CLEC4A: variants seen among roughly 807,000 people sequenced by gnomAD.
CLEC4A encodes the protein C-type lectin domain family 4 member A, also known as C-type (calcium dependent, carbohydrate-recognition domain) lectin, superfamily member 6.
In CLEC4A, 27 loss-of-function variants were observed where a neutral mutation model predicts 32.7. The observed-to-expected ratio is 0.83, with a 90% CI of 0.61 to 1.14. The LOEUF is 1.14. Ranked by LOEUF, CLEC4A falls within the 50% of genes most tolerant of loss-of-function variation. CLEC4A has a pLI of 0.00. For missense variants in CLEC4A, 253 were observed against 274.6 expected (o/e 0.92, Z 0.55); for synonymous variants, 89 against 93.7 (o/e 0.95, Z 0.29).
At position 8,136,911 on chromosome 12, in the gene CLEC4A, T is replaced by C. The variant is rs781238527; in HGVS notation, c.566+8T>C. 1.9e-6 allele frequency: 3 copies of C among 1,572,046 alleles called. No individual in the cohort carries two copies. The highest frequency in any genetic ancestry group is 1.3e-5 in the African/African-American group (1 of 74,098). On this transcript the variant is annotated splice_region_variant and intron_variant, in intron 5 of 5. Transcript: ENST00000229332. ...ATACAATGAAAGTTCCACGTGAGTA[T>C]AGAATGAGATAAAAGAATCTTGGGT...
At chr12:8,110,995 T>TCCC in the CLEC4A span, among the ~76,000 whole-genome samples, 158 of 152,002 alleles carry the variant, frequency 1.0e-3, no homozygotes, top group Middle Eastern at 6.8e-3. Context: ...TGCCTCAGCC[T>TCCC]CCCGAGTAGC....
chr12:8,114,675 T>C, the CLEC4A span, among the ~76,000 whole-genome samples: 1 of 152,220 alleles, frequency 6.6e-6, no homozygotes, highest in South Asian at 2.1e-4. Context: ...TTTTGCTTAA[T>C]TTACAGTTTT....
At chr12:8,107,889 G>T in the CLEC4A span, among the ~76,000 whole-genome samples, 1 of 151,290 alleles carries the variant, frequency 6.6e-6, no homozygotes, top group African/African-American at 2.4e-5. Flanking sequence ...AGTTTCTTCA[G>T]TTCAGCTCTG....
intron 2 of CLEC4A, 61 bp from the exon 3 acceptor site, chr12:8,129,203 C>A: frequency 2.9e-6 from 3 of 1,051,484 alleles, no homozygotes; most frequent in Non-Finnish European, 2.8e-6. Context: ...AAGAAAGTAA[C>A]GATAAAGAGC....
upstream of CLEC4A, among the ~76,000 whole-genome samples, chr12:8,119,172 G>A (rs1947812187): frequency 6.6e-6 from 1 of 152,154 alleles, no homozygotes; most frequent in South Asian, 2.1e-4. Context: ...TAGCCTTGCT[G>A]CAAAAATGGT....
chr12:8,129,196 A>G (rs1248143147), intron 2 of CLEC4A, 68 bp from the exon 3 acceptor site: 1 of 996,570 alleles, frequency 1.0e-6, no homozygotes, highest in African/African-American at 1.6e-5. Context: ...AGAATGCAAG[A>G]AAGTAACGAT....
In CLEC4A at chr12:8,125,671, T is replaced by A; in HGVS notation, c.193T>A (p.Phe65Ile). 6.3e-7 allele frequency: 1 copy of A among 1,589,418 alleles called. No individual in the cohort carries two copies. Among genetic ancestry groups the A allele is most frequent in the Non-Finnish European group, 8.6e-7 (1 of 1,157,530 alleles). ...ATTGGCAATCTCATTCTTTATTGCTTTTGTCAGTAAGTATGCCAACTGAAC... is the reference window on the plus strand; with the variant it reads ...ATTGGCAATCTCATTCTTTATTGCTATTGTCAGTAAGTATGCCAACTGAAC... The part of the protein sequence containing the change: ...LLLAISFFIA[F>I]VIFFQKYSQL... The change falls in exon 2 of 6, where the codon TTT becomes ATT. Residue 65 changes from phenylalanine (F) to isoleucine (I), a missense_variant. Coordinates refer to ENST00000229332, the MANE Select transcript of CLEC4A (RefSeq NM_016184.4).
the CLEC4A span, among the ~76,000 whole-genome samples, chr12:8,118,366 C>T: frequency 6.8e-6 from 1 of 146,674 alleles, no homozygotes; most frequent in African/African-American, 2.5e-5. Flanking sequence ...ATGTGTCCCT[C>T]TCTGTATTAG....
chr12:8,128,066 A>G (rs1253762823), intron 2 of CLEC4A, among the ~76,000 whole-genome samples: 2 of 152,224 alleles, frequency 1.3e-5, no homozygotes, highest in African/African-American at 4.8e-5. Flanking sequence ...GATATCACTC[A>G]CGGAGATAAC....
At chr12:8,131,741 G>A (rs1049848028) in intron 3 of CLEC4A, among the ~76,000 whole-genome samples, 1 of 151,822 alleles carries the variant, frequency 6.6e-6, no homozygotes, top group African/African-American at 2.4e-5. Context: ...TTTTGTCCAG[G>A]TGATATTTGT....
intron 3 of CLEC4A, among the ~76,000 whole-genome samples, chr12:8,130,701 GTT>G (rs763018022): frequency 1.9e-4 from 29 of 152,128 alleles, no homozygotes; most frequent in Non-Finnish European, 4.0e-4. Context: ...TTTAAGAACA[GTT>G]TTATATTTAC....
intron 5 of CLEC4A, among the ~76,000 whole-genome samples, chr12:8,137,253 A>C (rs960692037): frequency 3.4e-5 from 5 of 147,624 alleles, no homozygotes; most frequent in Admixed American, 1.4e-4. Context: ...GATTAAGATC[A>C]TAACCAATTA....
chr12:8,103,376 G>GTTTTTTT, the CLEC4A span, among the ~76,000 whole-genome samples: 1 of 56,504 alleles, frequency 1.8e-5, no homozygotes, highest in African/African-American at 8.3e-5. Context: ...TCTTTCTGTT[G>GTTTTTTT]TTTTTTTTTT....
At chr12:8,134,504 G>T (rs56245251) in intron 3 of CLEC4A, 17 of 1,613,854 alleles carry the variant, frequency 1.1e-5, no homozygotes, top group Non-Finnish European at 1.4e-5. Context: ...CAGAGGGGAC[G>T]GTGCAGGGCT....
the CLEC4A span, among the ~76,000 whole-genome samples, chr12:8,112,778 T>A: frequency 1.1e-4 from 16 of 152,132 alleles, no homozygotes; most frequent in Non-Finnish European, 2.1e-4. Context: ...TGGCTCAGAG[T>A]CTCCTTTATA....
chr12:8,125,581 C>T lies in CLEC4A; in HGVS notation c.103C>T (p.Pro35Ser), dbSNP rs1054556078. The T allele has an allele frequency of 1.2e-6, 2 of 1,610,512 alleles. No individual in the cohort carries two copies. Among genetic ancestry groups the T allele is most frequent in the Non-Finnish European group, 1.7e-6 (2 of 1,176,782 alleles). The change falls in exon 2 of 6, where the codon CCT becomes TCT. Residue 35 changes from proline to serine, a missense_variant. Transcript: ENST00000229332. ...SSAASKERTA[P>S]HKSNTGFPKL... is the part of the protein sequence containing the mutation. ...TTCAGCTTCCAAGGAGAGGACTGCC[C>T]CTCACAAAAGTAATACCGGATTCCC...
In CLEC4A at chr12:8,125,546, T is replaced by A; in HGVS notation, c.83-15T>A. Reference sequence around the variant, plus strand: ...AAACTTATTACTGATAAAACTAATTTGGCTTCTTCTTCAGCTTCCAAGGAG... The same window carrying A: ...AAACTTATTACTGATAAAACTAATTAGGCTTCTTCTTCAGCTTCCAAGGAG... On this transcript the variant is annotated splice_polypyrimidine_tract_variant and intron_variant, in intron 1 of 5. Transcript: ENST00000229332. 1 of 1,464,906 alleles carries A rather than the reference T, an allele frequency of 6.8e-7. No individual in the cohort carries two copies. Among genetic ancestry groups the A allele is most frequent in the Non-Finnish European group, 9.6e-7 (1 of 1,043,606 alleles). 90.7% of individuals were successfully genotyped at this position (1,464,906 alleles called of 1,614,324 possible). A position where few individuals can be genotyped will look rare whatever the true frequency, so the allele number is the denominator to read the frequency against.
intron 3 of CLEC4A, chr12:8,134,592 T>C (rs1474465114): frequency 1.9e-6 from 3 of 1,613,046 alleles, no homozygotes; most frequent in South Asian, 2.2e-5. Flanking sequence ...CAAGCCGTCT[T>C]GGGGCACTAG....
the CLEC4A span, among the ~76,000 whole-genome samples, chr12:8,106,464 A>G: frequency 6.6e-6 from 1 of 152,318 alleles, no homozygotes; most frequent in South Asian, 2.1e-4. Flanking sequence ...CATCAAATCT[A>G]TAAATTGCTT....
Sources: allele counts gnomAD v4.1 joint callset (sites outside exome capture counted in the v4.1 genomes callset), GRCh38; gene constraint gnomAD v4.1.1; transcripts MANE v1.5; gene names NCBI Gene and HGNC (gene_info 2026-07-23, HGNC 2026-07-21).